Variants in ABCC4 observed in about 807,000 individuals in gnomAD.
The protein encoded by ABCC4 is ATP-binding cassette sub-family C member 4.
Under a neutral mutation model 168.5 loss-of-function variants are expected in ABCC4, and 102 were observed. That is an observed-to-expected ratio of 0.61 (90% CI 0.52 to 0.71). ABCC4 has a LOEUF of 0.71. ABCC4 is among the 30% of genes least tolerant of loss of function. ABCC4 has a pLI of 0.00. For missense variants in ABCC4, 1,402 were observed against 1,605.8 expected (o/e 0.87, Z 2.17); for synonymous variants, 617 against 590.7 (o/e 1.04, Z -0.65).
chr13:95,164,421 C>G lies in ABCC4; in HGVS notation c.2132G>C (p.Trp711Ser). The G allele has an allele frequency of 6.2e-7, 1 of 1,614,142 alleles. No homozygotes were observed. The highest frequency in any genetic ancestry group is 8.5e-7 in the Non-Finnish European group (1 of 1,180,004). The change falls in exon 16 of 31, where the codon TGG becomes TCG. Residue 711 changes from tryptophan to serine, a missense_variant. Physicochemically the swap from Trp to Ser is radical, Grantham distance 177. Transcript: ENST00000645237. ...GAGAATAAGGAAAATGAAGACAATC[C>G]AGTGAGCACCAGCTCTGAAGTAATT... ...YKNYFRAGAH[W>S]IVFIFLILLN...
At chr13:95,148,424 A>G (rs1331965635) in intron 19 of ABCC4, among the ~76,000 whole-genome samples, 1 of 152,198 alleles carries the variant, frequency 6.6e-6, no homozygotes, top group Admixed American at 6.6e-5. Context: ...AAAATAAAGA[A>G]AAATCCTTCC....
At chr13:95,071,130 C>T (rs2033710425) in intron 25 of ABCC4, among the ~76,000 whole-genome samples, 1 of 152,130 alleles carries the variant, frequency 6.6e-6, no homozygotes, top group Non-Finnish European at 1.5e-5. Context: ...CTCCTCCTTG[C>T]CTGCCATCAT....
intron 13 of ABCC4, 66 bp downstream of exon 13, chr13:95,177,641 C>T: frequency 1.4e-6 from 2 of 1,388,690 alleles, no homozygotes; most frequent in Non-Finnish European, 1.0e-6. Context: ...GCCATAAAGG[C>T]TTTCCTGAGC....
chr13:95,058,594 A>AAAAAAAG lies in ABCC4; in HGVS notation c.3366+4109_3366+4110insCTTTTTT, dbSNP rs2033163283. Among the ~76,000 whole-genome samples the AAAAAAAG allele has an allele frequency of 4.6e-3, 189 of 41,276 alleles. 2 individuals carry two copies. The highest frequency in any genetic ancestry group is 8.0e-3 in the African/African-American group (81 of 10,068). 27.1% of individuals were successfully genotyped at this position (41,276 alleles called of 152,430 possible). ...AAAAAAAAAAAAAAAAAAAAAAAAG[A>AAAAAAAG]AAAGAAAAAGAAAAAGAAAAGAAAA... On this transcript the variant is annotated intron_variant, in intron 26 of 30. Transcript: ENST00000645237.
intron 11 of ABCC4, among the ~76,000 whole-genome samples, chr13:95,183,936 G>A (rs762886210): frequency 1.3e-5 from 2 of 151,312 alleles, no homozygotes; most frequent in Non-Finnish European, 1.5e-5. Context: ...AAGTGACAGC[G>A]AGCAAATGAC....
intron 1 of ABCC4, among the ~76,000 whole-genome samples, chr13:95,248,571 A>G (rs1225107101): frequency 6.6e-6 from 1 of 152,132 alleles, no homozygotes; most frequent in Non-Finnish European, 1.5e-5. Flanking sequence ...AACATTATTA[A>G]TCATTAAATG....
At chr13:95,221,817 A>C (rs2138715906) in intron 4 of ABCC4, among the ~76,000 whole-genome samples, 1 of 152,354 alleles carries the variant, frequency 6.6e-6, no homozygotes, top group South Asian at 2.1e-4. Context: ...TAAATAAATC[A>C]TTGGCCATGA....
intron 1 of ABCC4, among the ~76,000 whole-genome samples, chr13:95,266,827 CTTT>C (rs35329015): frequency 7.6e-6 from 1 of 130,738 alleles, no homozygotes; most frequent in Admixed American, 7.9e-5. Flanking sequence ...ACTCAAATCT[CTTT>C]TTTTTTTTTT....
intron 11 of ABCC4, among the ~76,000 whole-genome samples, chr13:95,180,715 T>A (rs1244679734): frequency 6.6e-6 from 1 of 152,222 alleles, no homozygotes; most frequent in Non-Finnish European, 1.5e-5. Flanking sequence ...ATATAATGTG[T>A]TAAGTTTCTG....
At chr13:95,124,628 G>A (rs1473697425) in intron 19 of ABCC4, among the ~76,000 whole-genome samples, 1 of 149,678 alleles carries the variant, frequency 6.7e-6, no homozygotes, top group Non-Finnish European at 1.5e-5. Flanking sequence ...CAGCACTTTG[G>A]GAGGCAGAGG....
intron 19 of ABCC4, among the ~76,000 whole-genome samples, chr13:95,130,396 C>G (rs985882503): frequency 1.2e-4 from 19 of 152,080 alleles, no homozygotes; most frequent in African/African-American, 4.1e-4. Context: ...TCATAAAACC[C>G]ACATTTTGTT....
chr13:95,214,524 A>C (rs4334136), intron 4 of ABCC4, among the ~76,000 whole-genome samples: 113,293 of 151,916 alleles, frequency 0.75, 43,045 homozygotes, highest in Non-Finnish European at 0.84. Flanking sequence ...AAACAAGCAG[A>C]AGCTGACACA....
At chr13:95,113,968 C>G (rs1338364443) in intron 20 of ABCC4, among the ~76,000 whole-genome samples, 1 of 152,108 alleles carries the variant, frequency 6.6e-6, no homozygotes. Flanking sequence ...TTATGGGAAG[C>G]CTTATTAAAG....
intron 20 of ABCC4, among the ~76,000 whole-genome samples, chr13:95,087,495 A>T (rs2034296100): frequency 6.6e-6 from 1 of 152,232 alleles, no homozygotes; most frequent in African/African-American, 2.4e-5. Context: ...CTCAAAAAAA[A>T]ATAAAACCTA....
intron 19 of ABCC4, among the ~76,000 whole-genome samples, chr13:95,145,320 C>T (rs2036455216): frequency 2.6e-5 from 4 of 151,838 alleles, no homozygotes; most frequent in Admixed American, 2.6e-4. Flanking sequence ...ATCATTCTAC[C>T]ACAAAGACAC....
intron 1 of ABCC4, among the ~76,000 whole-genome samples, chr13:95,292,092 G>A (rs182280075): frequency 5.0e-4 from 76 of 152,308 alleles, no homozygotes; most frequent in East Asian, 2.5e-3. Flanking sequence ...GCACCATGGC[G>A]CATGCCTGTA....
At chr13:95,254,054 CG>C (rs1221073147) in intron 1 of ABCC4, among the ~76,000 whole-genome samples, 1 of 151,960 alleles carries the variant, frequency 6.6e-6, no homozygotes, top group Non-Finnish European at 1.5e-5. Flanking sequence ...CTACCATGCC[CG>C]GCTATTTTTT....
intron 5 of ABCC4, among the ~76,000 whole-genome samples, chr13:95,210,411 A>G (rs2038920324): frequency 1.3e-5 from 2 of 152,244 alleles, no homozygotes; most frequent in African/African-American, 4.8e-5. Context: ...GCCACCCTTG[A>G]ATTTTGTTAT....
chr13:95,141,376 C>T (rs1226413693), intron 19 of ABCC4, among the ~76,000 whole-genome samples: 3 of 152,064 alleles, frequency 2.0e-5, no homozygotes, highest in Admixed American at 6.5e-5. Flanking sequence ...ATTTATCATC[C>T]GGGTGTTTTT....
Sources: gnomAD v4.1 joint callset for allele counts (sites outside exome capture counted in the v4.1 genomes callset) on GRCh38, gnomAD v4.1.1 for gene constraint, MANE v1.5 for transcripts, NCBI Gene and HGNC (gene_info 2026-07-23, HGNC 2026-07-21) for gene names.